The following ROR1 variants were observed in gnomAD, a reference collection of about 807,000 sequenced individuals.
ROR1 encodes the protein inactive tyrosine-protein kinase transmembrane receptor ROR1.
A neutral mutation model predicts 78.8 loss-of-function variants in ROR1; 19 were observed. The observed-to-expected ratio is 0.24, with a 90% CI of 0.17 to 0.35. ROR1 has a LOEUF of 0.35. ROR1 is among the 10% of genes least tolerant of loss of function. The pLI is 1.00. For missense variants in ROR1, 917 were observed against 1,177.8 expected (o/e 0.78, Z 3.24); for synonymous variants, 386 against 433.6 (o/e 0.89, Z 1.36).
At chr1:64,127,423 C>T (rs994901914) in intron 4 of ROR1, among the ~76,000 whole-genome samples, 2 of 151,986 alleles carry the variant, frequency 1.3e-5, no homozygotes, top group Non-Finnish European at 2.9e-5. Flanking sequence ...TTCTCTGTCT[C>T]TCTCTGTCTC....
rs1321770403 is a variant in ROR1 at position 64,177,506 on chromosome 1, A to G, written c.1465A>G (p.Lys489Glu). The change falls in exon 9 of 9, where the codon AAA (lysine) becomes GAA (glutamate). Residue 489 changes from lysine (K) to glutamate (E), a missense_variant. Lys to Glu is a moderately conservative substitution (Grantham distance 56). Around this residue, in one of 3 missense-constraint regions of ROR1, gnomAD observed 835 missense variants for 1,069.8 expected, o/e 0.78. Transcript: ENST00000371079. Reference sequence around the variant, plus strand: ...TGAGTGTGCCTTTGGAAAAATCTATAAAGGCCATCTCTATCTCCCAGGCAT... The same window carrying G: ...TGAGTGTGCCTTTGGAAAAATCTATGAAGGCCATCTCTATCTCCCAGGCAT... The part of the protein sequence containing the change: ...LGECAFGKIY[K>E]GHLYLPGMDH... 5.0e-6 allele frequency: 8 copies of G among 1,614,026 alleles called. No individual in the cohort carries two copies. The highest frequency in any genetic ancestry group is 1.3e-5 in the African/African-American group (1 of 74,900).
rs746202387 is a variant in ROR1 at position 64,178,828 on chromosome 1, C to T, written c.2787C>T (p.Thr929=). 1.5e-5 allele frequency: 24 copies of T among 1,613,116 alleles called. No homozygotes were observed. The highest frequency in any genetic ancestry group is 1.6e-4 in the Middle Eastern group (1 of 6,080). The change falls in exon 9 of 9, where the codon ACC becomes ACT. Residue 929 remains threonine (T), a synonymous_variant. Coordinates refer to ENST00000371079, the MANE Select transcript of ROR1 (RefSeq NM_005012.4). The surrounding 1 kb of genome is among the most constrained non-coding windows in gnomAD (Gnocchi z 4.3). ...LLGDANIHGH[T]ESMISAEL ...GAGACGCCAATATTCATGGACACACCGAATCTATGATTTCTGCAGAACTGT... is the reference window on the plus strand; with the variant it reads ...GAGACGCCAATATTCATGGACACACTGAATCTATGATTTCTGCAGAACTGT...
At chr1:64,069,516 A>ATGTGTGTG (rs143372488) in intron 4 of ROR1, among the ~76,000 whole-genome samples, 20,428 of 150,306 alleles carry the variant, frequency 0.14, 1,863 homozygotes, top group African/African-American at 0.27. Flanking sequence ...CTTGGGTTAA[A>ATGTGTGTG]TGTGTGTGTG....
intron 8 of ROR1, among the ~76,000 whole-genome samples, chr1:64,161,222 A>T (rs1173446958): frequency 6.6e-6 from 1 of 152,222 alleles, no homozygotes; most frequent in African/African-American, 2.4e-5. Flanking sequence ...GGTAATTGAG[A>T]CACAAACAGA....
chr1:63,861,166 G>A (rs577336776), intron 1 of ROR1, among the ~76,000 whole-genome samples: 26 of 152,310 alleles, frequency 1.7e-4, no homozygotes, highest in African/African-American at 5.8e-4. Context: ...ATCCGGGACT[G>A]TTGAGTCCAG....
chr1:64,102,956 A>AC (rs1000934401), intron 4 of ROR1, among the ~76,000 whole-genome samples: 15 of 151,896 alleles, frequency 9.9e-5, no homozygotes, highest in Admixed American at 7.2e-4. Context: ...GATGACAATC[A>AC]CCCCCCTGTT....
intron 1 of ROR1, among the ~76,000 whole-genome samples, chr1:63,919,096 T>G (rs1206171514): frequency 6.6e-6 from 1 of 152,194 alleles, no homozygotes; most frequent in East Asian, 1.9e-4. Context: ...TGAAACATCT[T>G]TGAAATGATG....
chr1:64,027,823 G>A (rs1265260588), intron 2 of ROR1, among the ~76,000 whole-genome samples: 2 of 151,960 alleles, frequency 1.3e-5, no homozygotes, highest in Non-Finnish European at 2.9e-5. Flanking sequence ...GAGTATCTGG[G>A]ATTACAGGCA....
At chr1:64,153,463 C>A (rs1265181014) in intron 7 of ROR1, among the ~76,000 whole-genome samples, 2 of 152,170 alleles carry the variant, frequency 1.3e-5, no homozygotes, top group Non-Finnish European at 2.9e-5. Context: ...ATGTTCACTG[C>A]AGCATTATTC....
intron 2 of ROR1, among the ~76,000 whole-genome samples, chr1:64,027,879 G>T (rs1329715654): frequency 1.3e-5 from 2 of 151,852 alleles, no homozygotes; most frequent in Admixed American, 6.6e-5. Flanking sequence ...GTAGAGATAG[G>T]GTTTCACCAT....
Position 63,828,973 on chromosome 1 carries a change from C to T in ROR1, c.91+54465C>T, listed in dbSNP as rs1356615018. Among the ~76,000 whole-genome samples the T allele has an allele frequency of 2.0e-5, 3 of 152,252 alleles. No homozygotes were observed. The East Asian group carries it at 5.8e-4, about 29-fold the overall frequency. Reference sequence around the variant, plus strand: ...TCCTTCCTTTCTTTCTTTATTTTTCCATCATATCATCGCCATCTGATAAAC... The same window carrying T: ...TCCTTCCTTTCTTTCTTTATTTTTCTATCATATCATCGCCATCTGATAAAC... On this transcript the variant is annotated intron_variant, in intron 1 of 8. Transcript: ENST00000371079.
chr1:64,054,339 A>T (rs1646856928), intron 4 of ROR1, among the ~76,000 whole-genome samples: 1 of 151,828 alleles, frequency 6.6e-6, no homozygotes, highest in African/African-American at 2.4e-5. Context: ...GTTCAGTGGC[A>T]TGACCTTGGC....
chr1:64,105,011 G>A (rs1434797481), intron 4 of ROR1, among the ~76,000 whole-genome samples: 1 of 152,116 alleles, frequency 6.6e-6, no homozygotes, highest in Non-Finnish European at 1.5e-5. Flanking sequence ...GTTATTTCTG[G>A]TTCTAGGTCC....
intron 8 of ROR1, 79 bp from the exon 9 acceptor site, chr1:64,177,349 C>T (rs1185936025): frequency 3.9e-6 from 4 of 1,027,892 alleles, no homozygotes; most frequent in East Asian, 2.4e-5. Flanking sequence ...TTTCTATATG[C>T]CCCGTCCCTC....
Position 63,897,697 on chromosome 1 carries a change from C to T in ROR1, c.92-111608C>T, listed in dbSNP as rs542206724. 5.9e-5 allele frequency among the ~76,000 whole-genome samples: 9 copies of T among 152,282 alleles called. No homozygotes were observed. In the East Asian group the frequency reaches 1.7e-3, roughly 29 times the overall value. The stretch of plus-strand genomic sequence containing the variant: ...TCTCTTTTGTTCACTGATATATTCC[C>T]AGACAATATCTGCTACATAGAAGTG... On this transcript the variant is annotated intron_variant, in intron 1 of 8. Transcript: ENST00000371079.
chr1:63,931,468 T>C (rs1047011310), intron 1 of ROR1, among the ~76,000 whole-genome samples: 16 of 152,158 alleles, frequency 1.1e-4, no homozygotes, highest in African/African-American at 3.6e-4. Flanking sequence ...TCTTCCTTTA[T>C]CCAAGGTTTT....
intron 1 of ROR1, among the ~76,000 whole-genome samples, chr1:63,971,513 T>A (rs1646119741): frequency 1.3e-5 from 2 of 152,196 alleles, no homozygotes; most frequent in African/African-American, 4.8e-5. Flanking sequence ...GAGCTGTAGA[T>A]ATCTGGTAGA....
chr1:63,912,932 A>G (rs1645582909), intron 1 of ROR1, among the ~76,000 whole-genome samples: 1 of 152,198 alleles, frequency 6.6e-6, no homozygotes, highest in Non-Finnish European at 1.5e-5. Flanking sequence ...TTCAGATAAG[A>G]AATGGGCAAA....
intron 5 of ROR1, among the ~76,000 whole-genome samples, chr1:64,139,023 T>C (rs996706404): frequency 1.3e-5 from 2 of 151,784 alleles, no homozygotes; most frequent in Admixed American, 1.3e-4. Flanking sequence ...AAATATCAGC[T>C]GGGTGTGGTG....
Sources: gnomAD v4.1 joint callset for allele counts (sites outside exome capture counted in the v4.1 genomes callset) on GRCh38, gnomAD v4.1.1 for gene constraint, gnomAD v4.1.1 regional missense constraint, Gnocchi (gnomAD v3.1) non-coding constraint, MANE v1.5 for transcripts, NCBI Gene and HGNC (gene_info 2026-07-23, HGNC 2026-07-21) for gene names.